Variants in SEL1L2 observed in about 807,000 individuals in gnomAD.
SEL1L2 encodes SEL1L2 adaptor subunit of SYVN1 ubiquitin ligase.
SEL1L2 carries 89 observed loss-of-function variants against 98.8 expected under a neutral mutation model. That is an observed-to-expected ratio of 0.90 (90% confidence interval 0.76 to 1.07). SEL1L2 has a LOEUF of 1.07. Ranked by LOEUF, SEL1L2 falls within the 50% of genes least tolerant of loss-of-function variation. SEL1L2 has a pLI of 0.00. For synonymous variants in SEL1L2, 262 were observed against 278.5 expected (o/e 0.94, Z 0.59); for missense variants, 788 against 812.0 (o/e 0.97, Z 0.36).
intron 5 of SEL1L2, among the ~76,000 whole-genome samples, chr20:13,902,780 CT>C (rs1398720171): frequency 1.3e-5 from 2 of 152,062 alleles, no homozygotes; most frequent in Non-Finnish European, 2.9e-5. Flanking sequence ...CTAAATTTAA[CT>C]TTTAAAATAT....
At chr20:13,959,921 ATAAT>A (rs1334750421) in intron 1 of SEL1L2, among the ~76,000 whole-genome samples, 2 of 152,230 alleles carry the variant, frequency 1.3e-5, no homozygotes, top group Non-Finnish European at 2.9e-5. Context: ...CAAGTAAAGC[ATAAT>A]TAGAGAATTC....
chr20:13,885,346 C>G lies in SEL1L2; in HGVS notation c.957+1G>C. 6.3e-7 allele frequency: 1 copy of G among 1,585,320 alleles called. No homozygotes were observed. Among genetic ancestry groups the G allele is most frequent in the South Asian group, 1.1e-5 (1 of 90,336 alleles). On this transcript the variant is annotated splice_donor_variant, in intron 10 of 19. Coordinates refer to ENST00000284951, the MANE Select transcript of SEL1L2 (RefSeq NM_025229.2). LOFTEE classifies it high-confidence loss of function. ...TTGACTGGATCTTGAGATTGACTTACGTAGTAATCCTGATCTAGACCTTTC... is the reference window on the plus strand; with the variant it reads ...TTGACTGGATCTTGAGATTGACTTAGGTAGTAATCCTGATCTAGACCTTTC...
At chr20:13,897,535 A>G (rs1015580112) in intron 5 of SEL1L2, among the ~76,000 whole-genome samples, 1 of 152,220 alleles carries the variant, frequency 6.6e-6, no homozygotes, top group Admixed American at 6.5e-5. Context: ...ATGTATAAAA[A>G]TTCTTACAAC....
chr20:13,987,356 T>C (rs2148581851), intron 1 of SEL1L2, among the ~76,000 whole-genome samples: 1 of 150,634 alleles, frequency 6.6e-6, no homozygotes, highest in Non-Finnish European at 1.5e-5. Flanking sequence ...TTTGTTTGGT[T>C]TCTTTTTGAG....
intron 1 of SEL1L2, among the ~76,000 whole-genome samples, chr20:13,976,025 C>T (rs1232126624): frequency 6.7e-6 from 1 of 149,864 alleles, no homozygotes; most frequent in Admixed American, 6.7e-5. Context: ...TGTTTTGAGA[C>T]AGAGTCTCGC....
chr20:13,977,322 C>G (rs2051588921), intron 1 of SEL1L2, among the ~76,000 whole-genome samples: 1 of 152,006 alleles, frequency 6.6e-6, no homozygotes. Context: ...GAAAGACAAG[C>G]CCATGAAAGA....
intron 5 of SEL1L2, among the ~76,000 whole-genome samples, chr20:13,903,117 C>CAAA (rs11473702): frequency 0.023 from 2,869 of 122,890 alleles, 55 homozygotes; most frequent in Non-Finnish European, 0.027. Flanking sequence ...GGCTCTTTCT[C>CAAA]AAAAAAAAAA....
chr20:13,973,635 G>A (rs1303257755), intron 1 of SEL1L2, among the ~76,000 whole-genome samples: 2 of 152,198 alleles, frequency 1.3e-5, no homozygotes, highest in African/African-American at 4.8e-5. Flanking sequence ...GACCACAAAT[G>A]CTCCCACCTA....
chr20:13,918,699 A>G (rs1377509961), intron 4 of SEL1L2, among the ~76,000 whole-genome samples: 1 of 152,230 alleles, frequency 6.6e-6, no homozygotes, highest in Non-Finnish European at 1.5e-5. Flanking sequence ...CTCTAATTCA[A>G]ATAACACATT....
chr20:13,977,010 T>C (rs1429780682), intron 1 of SEL1L2, among the ~76,000 whole-genome samples: 1 of 152,144 alleles, frequency 6.6e-6, no homozygotes, highest in Non-Finnish European at 1.5e-5. Flanking sequence ...TGTATAATCA[T>C]GCAATTTGGA....
chr20:13,975,062 G>A (rs2051471774), intron 1 of SEL1L2, among the ~76,000 whole-genome samples: 2 of 152,040 alleles, frequency 1.3e-5, no homozygotes, highest in African/African-American at 2.4e-5. Context: ...TGTGGGGACA[G>A]GCTTAAAGAA....
At chr20:13,991,758 T>G (rs551125018), upstream of SEL1L2, among the ~76,000 whole-genome samples, 2 of 152,272 alleles carry the variant, frequency 1.3e-5, no homozygotes, top group South Asian at 2.1e-4. Context: ...TTTGGGAGCC[T>G]AAGGCAGTTG....
At chr20:13,940,652 G>A (rs2049725999) in intron 2 of SEL1L2, among the ~76,000 whole-genome samples, 1 of 151,884 alleles carries the variant, frequency 6.6e-6, no homozygotes, top group Non-Finnish European at 1.5e-5. Flanking sequence ...TGGGAGCAGG[G>A]GCTGGGCGTG....
At chr20:13,911,786 C>A (rs1014459805) in intron 5 of SEL1L2, among the ~76,000 whole-genome samples, 3 of 152,158 alleles carry the variant, frequency 2.0e-5, no homozygotes, top group Admixed American at 1.3e-4. Context: ...AAAAATAATT[C>A]TATGGAGTCT....
intron 4 of SEL1L2, 95 bp from the exon 5 acceptor site, chr20:13,914,039 G>A: frequency 9.1e-7 from 1 of 1,097,928 alleles, no homozygotes; most frequent in Non-Finnish European, 1.3e-6. Context: ...CTAACAAGCA[G>A]GAACCAGTTG....
chr20:13,930,031 T>A lies in SEL1L2; in HGVS notation c.283+1572A>T, dbSNP rs1031536569. Among the ~76,000 whole-genome samples the A allele has an allele frequency of 4.6e-5, 7 of 152,200 alleles. No individual in the cohort carries two copies. In the East Asian group the frequency reaches 1.4e-3, roughly 29 times the overall value. ...GTCTCAAACTCCTGAGCTTAGGCAATCCGCCCACCTCAGCTTCCTGAAGCG... is the reference window on the plus strand; with the variant it reads ...GTCTCAAACTCCTGAGCTTAGGCAAACCGCCCACCTCAGCTTCCTGAAGCG... On this transcript the variant is annotated intron_variant, in intron 3 of 19. Transcript: ENST00000284951.
chr20:13,931,100 G>C (rs549928611), intron 3 of SEL1L2, among the ~76,000 whole-genome samples: 1 of 150,556 alleles, frequency 6.6e-6, no homozygotes, highest in African/African-American at 2.4e-5. Flanking sequence ...CTGGAGTACA[G>C]TGGCGCGATC....
intron 14 of SEL1L2, among the ~76,000 whole-genome samples, chr20:13,867,663 TA>T (rs1276047624): frequency 6.6e-6 from 1 of 151,884 alleles, no homozygotes; most frequent in Admixed American, 6.6e-5. Context: ...GGATACCCGG[TA>T]GATGTTGAGA....
chr20:13,952,918 A>G (rs1481736314), intron 2 of SEL1L2, among the ~76,000 whole-genome samples: 14 of 151,934 alleles, frequency 9.2e-5, no homozygotes, highest in Admixed American at 9.2e-4. Flanking sequence ...AGTCCCAACT[A>G]CTCTGGAAGC....
Sources: allele counts gnomAD v4.1 joint callset (sites outside exome capture counted in the v4.1 genomes callset), GRCh38; gene constraint gnomAD v4.1.1; transcripts MANE v1.5; gene names NCBI Gene and HGNC (gene_info 2026-07-23, HGNC 2026-07-21).